The following NRG3 variants were observed in gnomAD, a reference collection of about 807,000 sequenced individuals.
NRG3 encodes the protein pro-neuregulin-3, membrane-bound isoform.
A neutral mutation model predicts 66.9 loss-of-function variants in NRG3; 31 were observed. The ratio of observed to expected loss-of-function variants is 0.46; its 90% CI spans 0.35 to 0.63. The LOEUF (loss-of-function observed/expected upper bound fraction) is 0.63, where lower values mean the gene tolerates loss of function less well. Ranked by LOEUF, NRG3 falls within the 20% of genes least tolerant of loss-of-function variation. The probability of loss-of-function intolerance (pLI) is 0.00; values close to 1 mark genes in which losing one functional copy is unlikely to be tolerated. For synonymous variants in NRG3, 393 were observed against 359.4 expected (o/e 1.09, Z -1.06); for missense variants, 910 against 878.9 (o/e 1.04, Z -0.45).
chr10:82,906,736 A>G lies in NRG3; in HGVS notation c.1054+41299A>G, dbSNP rs527914602. Among the ~76,000 whole-genome samples, 578 of 149,446 alleles carry G rather than the reference A, an allele frequency of 3.9e-3. 5 individuals are homozygous for G. Among genetic ancestry groups the G allele is most frequent in the African/African-American group, 0.014 (552 of 39,028 alleles). ...TAAGGCAATCCATTGAGCAAATCAC[A>G]CCAACATTTTTTTTTCATCATTCTT... On this transcript the variant is annotated intron_variant, in intron 4 of 8. Coordinates refer to ENST00000372141, the MANE Select transcript of NRG3 (RefSeq NM_001010848.4).
At chr10:82,293,907 T>C (rs932484090) in intron 1 of NRG3, among the ~76,000 whole-genome samples, 1 of 143,976 alleles carries the variant, frequency 6.9e-6, no homozygotes, top group Non-Finnish European at 1.5e-5. Context: ...ACCTTGTATT[T>C]AGCAAGCATA....
intron 1 of NRG3, among the ~76,000 whole-genome samples, chr10:81,897,554 G>T (rs1233840804): frequency 1.3e-5 from 2 of 151,192 alleles, no homozygotes. Flanking sequence ...GAGGAGGGAT[G>T]ATACCATTAT....
At chr10:81,977,677 A>G (rs1403992973) in intron 1 of NRG3, among the ~76,000 whole-genome samples, 1 of 152,202 alleles carries the variant, frequency 6.6e-6, no homozygotes, top group African/African-American at 2.4e-5. Flanking sequence ...TATTTTCTAA[A>G]TGAAAACACT....
intron 4 of NRG3, among the ~76,000 whole-genome samples, chr10:82,947,508 A>G (rs1358092855): frequency 6.6e-6 from 1 of 152,094 alleles, no homozygotes; most frequent in Non-Finnish European, 1.5e-5. Flanking sequence ...TTTTCTGTGA[A>G]GCTACTATTG....
chr10:82,444,574 A>G (rs540113292), intron 2 of NRG3, among the ~76,000 whole-genome samples: 26 of 152,036 alleles, frequency 1.7e-4, no homozygotes, highest in East Asian at 3.9e-4. Flanking sequence ...TGGAGGGGGG[A>G]AAATGAGGGG....
chr10:82,238,398 A>C (rs1589430456), intron 1 of NRG3, among the ~76,000 whole-genome samples: 1 of 152,194 alleles, frequency 6.6e-6, no homozygotes, highest in Admixed American at 6.5e-5. Flanking sequence ...CCATGAGGTG[A>C]CAACTATTAT....
chr10:82,842,598 A>G (rs918882786), intron 3 of NRG3, among the ~76,000 whole-genome samples: 2 of 152,160 alleles, frequency 1.3e-5, no homozygotes, highest in African/African-American at 2.4e-5. Context: ...GCTTTGTTCA[A>G]TGTTATAATC....
chr10:82,859,403 C>T (rs1465720521), intron 3 of NRG3, among the ~76,000 whole-genome samples: 1 of 152,150 alleles, frequency 6.6e-6, no homozygotes, highest in Non-Finnish European at 1.5e-5. Flanking sequence ...CTTAAACCCA[C>T]ATTGTGTCGC....
At chr10:82,876,202 A>G (rs1344858305) in intron 4 of NRG3, among the ~76,000 whole-genome samples, 11 of 152,108 alleles carry the variant, frequency 7.2e-5, no homozygotes, top group Non-Finnish European at 1.5e-4. Context: ...CTAGATTAAT[A>G]GTATAATATT....
chr10:82,400,424 G>C (rs1319741851), intron 2 of NRG3, among the ~76,000 whole-genome samples: 1 of 152,102 alleles, frequency 6.6e-6, no homozygotes, highest in Non-Finnish European at 1.5e-5. Context: ...TTAAAATGCA[G>C]CTTCAGATTC....
chr10:82,982,210 C>G (rs764359920), intron 8 of NRG3, among the ~76,000 whole-genome samples: 12 of 152,122 alleles, frequency 7.9e-5, no homozygotes, highest in Admixed American at 6.6e-4. Context: ...TTCATGTGCC[C>G]TAGGAACTGA....
chr10:82,055,201 G>C (rs181333253), intron 1 of NRG3, among the ~76,000 whole-genome samples: 86 of 152,140 alleles, frequency 5.7e-4, no homozygotes, highest in Non-Finnish European at 1.1e-3. Flanking sequence ...AAAAGAAGCC[G>C]AGCGCGGTGG....
In NRG3 at chr10:82,943,357, T is replaced by C. The variant is rs551068312; in HGVS notation, c.1055-8112T>C. Among the ~76,000 whole-genome samples, 29 of 152,008 alleles carry C rather than the reference T, an allele frequency of 1.9e-4. No individual in the cohort carries two copies. The South Asian group carries it at 5.4e-3, about 28-fold the overall frequency. On this transcript the variant is annotated intron_variant, in intron 4 of 8. Coordinates refer to ENST00000372141, the MANE Select transcript of NRG3 (RefSeq NM_001010848.4). ...GGACCACACTGCTCCTTGAGTGGAG[T>C]TGGCTCAGGGTAAGGGGTGATCTTA...
intron 1 of NRG3, among the ~76,000 whole-genome samples, chr10:82,250,973 G>C (rs1164350385): frequency 1.3e-5 from 2 of 152,196 alleles, no homozygotes; most frequent in Non-Finnish European, 2.9e-5. Context: ...GTTCTGGCTT[G>C]CAAGTATTTA....
intron 1 of NRG3, among the ~76,000 whole-genome samples, chr10:82,206,516 T>C (rs1036993171): frequency 2.6e-5 from 4 of 152,302 alleles, no homozygotes; most frequent in African/African-American, 9.6e-5. Flanking sequence ...GGAATAGTAG[T>C]GTTATCTCTT....
At chr10:82,185,991 G>A (rs1212189690) in intron 1 of NRG3, among the ~76,000 whole-genome samples, 6 of 152,040 alleles carry the variant, frequency 3.9e-5, no homozygotes, top group Admixed American at 2.0e-4. Flanking sequence ...ATCAACTATT[G>A]TGCATATCTC....
At chr10:82,821,148 A>C (rs2061936132) in intron 3 of NRG3, among the ~76,000 whole-genome samples, 1 of 152,186 alleles carries the variant, frequency 6.6e-6, no homozygotes, top group Non-Finnish European at 1.5e-5. Flanking sequence ...GATGGACCTT[A>C]ACTCACCTGA....
At chr10:81,933,983 A>T (rs545220525) in intron 1 of NRG3, among the ~76,000 whole-genome samples, 10 of 152,322 alleles carry the variant, frequency 6.6e-5, no homozygotes, top group Admixed American at 6.5e-4. Context: ...TTCTACCATG[A>T]GGTCATAGAT....
At chr10:82,690,445 G>T (rs2054839985) in intron 2 of NRG3, among the ~76,000 whole-genome samples, 1 of 152,000 alleles carries the variant, frequency 6.6e-6, no homozygotes, top group Non-Finnish European at 1.5e-5. Flanking sequence ...AGGCAGGAGT[G>T]GAGAGTGGCT....
Sources: gnomAD v4.1 joint callset for allele counts (sites outside exome capture counted in the v4.1 genomes callset) on GRCh38, gnomAD v4.1.1 for gene constraint, MANE v1.5 for transcripts, NCBI Gene and HGNC (gene_info 2026-07-23, HGNC 2026-07-21) for gene names.